The following COL11A1 variants were observed in gnomAD, a reference collection of about 807,000 sequenced individuals.
The protein encoded by COL11A1 is collagen type XI alpha 1 chain.
In COL11A1, 74 loss-of-function variants were observed where a neutral mutation model predicts 265.2. That is an observed-to-expected ratio of 0.28 (90% confidence interval 0.23 to 0.34). The LOEUF (loss-of-function observed/expected upper bound fraction) is 0.34. Among genes scored for constraint, COL11A1 ranks in the 10% least tolerant of loss-of-function variants. The pLI, the probability that COL11A1 is intolerant of heterozygous loss-of-function variation, is 1.00. For synonymous variants in COL11A1, 816 were observed against 727.6 expected (o/e 1.12, Z -1.96); for missense variants, 2,165 against 2,263.6 (o/e 0.96, Z 0.88).
rs780750875 is a variant in COL11A1 at position 102,962,757 on chromosome 1, G to C, written c.2920C>G (p.Pro974Ala). 2.8e-5 allele frequency: 45 copies of C among 1,613,954 alleles called. No homozygotes were observed. Among genetic ancestry groups the C allele is most frequent in the Non-Finnish European group, 3.6e-5 (42 of 1,179,906 alleles). The change falls in exon 39 of 67, where the codon CCA becomes GCA. Residue 974 changes from proline to alanine, a missense_variant. Transcript: ENST00000370096. ...CCTATTGGACCAGTCTCACCGGTTG[G>C]TCCCTAAATTAGATAAGCAAAATCA... ...GPGGVVGPQG[P>A]TGETGPIGER...
chr1:103,004,585 TAAGAA>T lies in COL11A1; in HGVS notation c.1899+18_1899+22del, dbSNP rs1183784653. On this transcript the variant is annotated intron_variant, in intron 19 of 66. Transcript: ENST00000370096. ...TTATGTTTTAATTTTAAATATTTCT[TAAGAA>T]AAGAAGTATTAACATACCCTCATTC... 3.1e-6 allele frequency: 5 copies of T among 1,598,212 alleles called. No individual in the cohort carries two copies. The South Asian group carries it at 3.4e-5, about 11-fold the overall frequency.
chr1:102,947,538 T>C (rs1017988555), intron 41 of COL11A1, among the ~76,000 whole-genome samples: 3 of 152,136 alleles, frequency 2.0e-5, no homozygotes, highest in Admixed American at 2.0e-4. Flanking sequence ...TAAATTCAAC[T>C]TAGAGTTCTA....
intron 49 of COL11A1, among the ~76,000 whole-genome samples, chr1:102,918,528 G>T (rs1234247830): frequency 6.6e-6 from 1 of 151,770 alleles, no homozygotes; most frequent in African/African-American, 2.4e-5. Context: ...GCTGATGTTA[G>T]AAATTTGTAA....
chr1:102,883,357 AT>A (rs748675627), intron 63 of COL11A1, 46 bp from the exon 64 acceptor site: 1 of 1,150,134 alleles, frequency 8.7e-7, no homozygotes, highest in South Asian at 1.2e-5. Context: ...CATTGACATC[AT>A]TGTTGAATGC....
intron 4 of COL11A1, among the ~76,000 whole-genome samples, chr1:103,047,858 A>C (rs1669433941): frequency 6.6e-6 from 1 of 152,176 alleles, no homozygotes; most frequent in South Asian, 2.1e-4. Flanking sequence ...CTATTGAGAT[A>C]ATCATGTAGT....
intron 41 of COL11A1, among the ~76,000 whole-genome samples, chr1:102,955,964 A>G (rs540711897): frequency 6.6e-6 from 1 of 152,268 alleles, no homozygotes; most frequent in South Asian, 2.1e-4. Flanking sequence ...CTTGGATACA[A>G]CATCACGTAT....
intron 37 of COL11A1, among the ~76,000 whole-genome samples, chr1:102,967,206 C>T (rs1661480490): frequency 7.4e-6 from 1 of 135,984 alleles, no homozygotes; most frequent in Non-Finnish European, 1.6e-5. Context: ...TCATCACCCA[C>T]AAAACCAAAC....
intron 54 of COL11A1, among the ~76,000 whole-genome samples, chr1:102,901,385 C>T (rs1308808411): frequency 2.0e-5 from 3 of 151,756 alleles, no homozygotes; most frequent in Non-Finnish European, 2.9e-5. Flanking sequence ...TGCTCCTTGT[C>T]CTTCCACCAT....
chr1:102,988,650 C>T (rs12740462), intron 29 of COL11A1, among the ~76,000 whole-genome samples: 3,288 of 152,110 alleles, frequency 0.022, 59 homozygotes, highest in Middle Eastern at 0.092. Context: ...ATTTAATAAA[C>T]AACTGAATAT....
At chr1:103,003,736 C>T (rs1665343140) in intron 20 of COL11A1, among the ~76,000 whole-genome samples, 1 of 152,132 alleles carries the variant, frequency 6.6e-6, no homozygotes, top group South Asian at 2.1e-4. Context: ...ACTATATATG[C>T]AGATTACAGA....
At chr1:102,912,067 TA>T in intron 54 of COL11A1, 91 bp downstream of exon 54, 1 of 1,049,566 alleles carries the variant, frequency 9.5e-7, no homozygotes, top group South Asian at 1.5e-5. Flanking sequence ...ATTATTCTTA[TA>T]ACATGCTGCC....
At chr1:103,089,514 T>C (rs552768170) in intron 1 of COL11A1, among the ~76,000 whole-genome samples, 1 of 152,300 alleles carries the variant, frequency 6.6e-6, no homozygotes, top group African/African-American at 2.4e-5. Context: ...GCTAATATTT[T>C]TCTCTCTCTG....
chr1:103,098,879 G>A (rs1051974326), intron 1 of COL11A1, among the ~76,000 whole-genome samples: 3 of 151,776 alleles, frequency 2.0e-5, no homozygotes, highest in African/African-American at 7.2e-5. Context: ...GAGGTCATAG[G>A]TTGGCCTAGA....
chr1:102,907,641 A>C (rs567311986), intron 54 of COL11A1, among the ~76,000 whole-genome samples: 1 of 152,106 alleles, frequency 6.6e-6, no homozygotes, highest in Non-Finnish European at 1.5e-5. Flanking sequence ...ATAATGTAAT[A>C]TATATTTTCC....
Position 102,965,926 on chromosome 1 carries a change from A to G in COL11A1, c.2863-386T>C, listed in dbSNP as rs562675034. Among the ~76,000 whole-genome samples the G allele has an allele frequency of 1.5e-3, 223 of 152,322 alleles. 1 individual carries two copies. The highest frequency in any genetic ancestry group is 5.0e-3 in the African/African-American group (209 of 41,582). On this transcript the variant is annotated intron_variant, in intron 37 of 66. Transcript: ENST00000370096. ...ATTGTTTATACAAAGGTAAATTCAC[A>G]GCCTGTGATATTAATACATTTCTCT...
At chr1:102,882,122 AAGCAAGGC>A (rs1325367797) in intron 64 of COL11A1, among the ~76,000 whole-genome samples, 1 of 152,160 alleles carries the variant, frequency 6.6e-6, no homozygotes, top group Non-Finnish European at 1.5e-5. Flanking sequence ...CAGCTTCATC[AAGCAAGGC>A]AGGTACCATC....
rs1001640152 is a variant in COL11A1 at position 102,890,561 on chromosome 1, G to T, written c.4303-57C>A. The T allele has an allele frequency of 8.3e-6, 12 of 1,441,738 alleles. No individual in the cohort carries two copies. The Admixed American group carries it at 1.1e-4, about 13-fold the overall frequency. The allele number at this position is 1,441,738 out of a possible 1,614,324, so 89.3% of individuals were successfully genotyped here. A position where few individuals can be genotyped will look rare whatever the true frequency, so the allele number is the denominator to read the frequency against. The stretch of plus-strand genomic sequence containing the variant: ...AAAAACAGAGTAGGTATGAATTAGA[G>T]AATCCTATAACTAGTCACAGACCTA... On this transcript the variant is annotated intron_variant, in intron 57 of 66. Transcript: ENST00000370096.
At chr1:102,986,260 G>A (rs529353115) in intron 30 of COL11A1, among the ~76,000 whole-genome samples, 2 of 152,024 alleles carry the variant, frequency 1.3e-5, no homozygotes, top group African/African-American at 4.8e-5. Flanking sequence ...CATGTCCTTT[G>A]TAGGGACATG....
At chr1:102,940,955 T>A (rs1484421782) in intron 42 of COL11A1, among the ~76,000 whole-genome samples, 1 of 152,206 alleles carries the variant, frequency 6.6e-6, no homozygotes, top group African/African-American at 2.4e-5. Flanking sequence ...GTGTAATTTT[T>A]TAAAAGTGCC....
Sources: gnomAD v4.1 joint callset for allele counts (sites outside exome capture counted in the v4.1 genomes callset) on GRCh38, gnomAD v4.1.1 for gene constraint, MANE v1.5 for transcripts, NCBI Gene and HGNC (gene_info 2026-07-23, HGNC 2026-07-21) for gene names.